Variants in FER observed in about 807,000 individuals in gnomAD.
FER encodes the protein FER tyrosine kinase.
A neutral mutation model predicts 111.0 loss-of-function variants in FER; 63 were observed. That is an observed-to-expected ratio of 0.57 (90% CI 0.46 to 0.70). The LOEUF (loss-of-function observed/expected upper bound fraction) is 0.70, where lower values mean the gene tolerates loss of function less well. Ranked by LOEUF, FER falls within the 30% of genes least tolerant of loss-of-function variation. The pLI, the probability that FER is intolerant of heterozygous loss-of-function variation, is 0.00. For synonymous variants in FER, 327 were observed against 313.9 expected, an observed-to-expected ratio of 1.04 and a Z score of -0.44; for missense variants, 914 against 954.0, an observed-to-expected ratio of 0.96 and a Z score of 0.55.
chr5:108,990,384 T>C (rs1337820112), intron 13 of FER, among the ~76,000 whole-genome samples: 1 of 151,898 alleles, frequency 6.6e-6, no homozygotes, highest in African/African-American at 2.4e-5. Context: ...ATATTACATA[T>C]TGATTTATGT....
chr5:109,018,788 GAAGGGACTT>G (rs374189787), intron 13 of FER, among the ~76,000 whole-genome samples: 1 of 151,636 alleles, frequency 6.6e-6, no homozygotes, highest in African/African-American at 2.4e-5. Context: ...TGAACCTTTA[GAAGGGACTT>G]AAGTAGTAGA....
chr5:108,940,220 A>G (rs1318785802), intron 10 of FER, among the ~76,000 whole-genome samples: 3 of 152,086 alleles, frequency 2.0e-5, no homozygotes, highest in Non-Finnish European at 4.4e-5. Context: ...TCAAAATCAA[A>G]TCTGTAGCTT....
At chr5:108,848,362 G>A (rs1220168120) in intron 5 of FER, among the ~76,000 whole-genome samples, 3 of 152,034 alleles carry the variant, frequency 2.0e-5, no homozygotes, top group African/African-American at 7.2e-5. Flanking sequence ...TCATTTTGCA[G>A]TTTATTTTCT....
At chr5:108,963,110 G>T (rs1759347316) in intron 13 of FER, among the ~76,000 whole-genome samples, 1 of 152,000 alleles carries the variant, frequency 6.6e-6, no homozygotes, top group African/African-American at 2.4e-5. Flanking sequence ...AAAATATAGG[G>T]ATTGGTCAAA....
chr5:109,077,993 AAAAAAGTTT>A (rs2150011819), intron 16 of FER, among the ~76,000 whole-genome samples: 1 of 152,292 alleles, frequency 6.6e-6, no homozygotes, highest in East Asian at 1.9e-4. Flanking sequence ...CTTGCAGATC[AAAAAAGTTT>A]TTGAAATAAA....
intron 5 of FER, among the ~76,000 whole-genome samples, chr5:108,863,020 T>G (rs1763682020): frequency 6.6e-6 from 1 of 152,202 alleles, no homozygotes. Context: ...GTCAGCTCCA[T>G]GTAGGAGCCT....
chr5:109,172,482 TGTG>T (rs1321353206), intron 17 of FER, among the ~76,000 whole-genome samples: 2 of 57,336 alleles, frequency 3.5e-5, no homozygotes, highest in Admixed American at 4.7e-4. Context: ...TGGGGACTGT[TGTG>T]GGGTGGGGGG....
At chr5:109,045,537 G>C (rs982859101) in intron 15 of FER, among the ~76,000 whole-genome samples, 7 of 152,060 alleles carry the variant, frequency 4.6e-5, no homozygotes, top group African/African-American at 1.7e-4. Flanking sequence ...TTTATTTTTA[G>C]TTCATGTTTA....
chr5:108,858,711 C>G (rs185452219), intron 5 of FER, among the ~76,000 whole-genome samples: 1 of 151,266 alleles, frequency 6.6e-6, no homozygotes, highest in Non-Finnish European at 1.5e-5. Context: ...CTTTGCTTCT[C>G]CATTGATAAT....
intron 16 of FER, among the ~76,000 whole-genome samples, chr5:109,064,306 C>G (rs1235492649): frequency 1.9e-4 from 29 of 152,064 alleles, no homozygotes; most frequent in Admixed American, 1.9e-3. Flanking sequence ...GATATACTCT[C>G]TTAGTAGGCC....
At chr5:109,002,396 G>C (rs1320961821) in intron 13 of FER, among the ~76,000 whole-genome samples, 1 of 151,586 alleles carries the variant, frequency 6.6e-6, no homozygotes, top group Non-Finnish European at 1.5e-5. Flanking sequence ...TTAATAAATG[G>C]TGCTGGGAAA....
At chr5:108,799,333 A>G (rs866076897) in intron 3 of FER, among the ~76,000 whole-genome samples, 11 of 152,234 alleles carry the variant, frequency 7.2e-5, no homozygotes, top group African/African-American at 2.4e-4. Flanking sequence ...ATCATATTTC[A>G]CTATAGAATG....
intron 5 of FER, among the ~76,000 whole-genome samples, chr5:108,853,317 T>G (rs962283646): frequency 2.6e-5 from 4 of 152,228 alleles, no homozygotes; most frequent in African/African-American, 9.6e-5. Context: ...TTTGGGATAT[T>G]GTAGATAACA....
chr5:108,892,118 A>G (rs953319645), intron 9 of FER, among the ~76,000 whole-genome samples: 4 of 152,188 alleles, frequency 2.6e-5, no homozygotes, highest in African/African-American at 7.2e-5. Context: ...TAGTGCCACA[A>G]TAAACATACG....
intron 13 of FER, among the ~76,000 whole-genome samples, chr5:108,971,834 T>G (rs149641027): frequency 3.0e-4 from 46 of 152,220 alleles, no homozygotes; most frequent in African/African-American, 1.1e-3. Flanking sequence ...GTTATACATA[T>G]GACATTTACA....
chr5:109,026,422 T>C (rs1316817059), intron 13 of FER, among the ~76,000 whole-genome samples: 2 of 150,992 alleles, frequency 1.3e-5, no homozygotes, highest in Non-Finnish European at 1.5e-5. Flanking sequence ...TGCATACTTT[T>C]CAATAAGTTT....
chr5:108,996,854 A>G (rs1406254980), intron 13 of FER, among the ~76,000 whole-genome samples: 1 of 152,158 alleles, frequency 6.6e-6, no homozygotes, highest in Non-Finnish European at 1.5e-5. Flanking sequence ...ACTTTGGGCA[A>G]TATGGCCCTT....
intron 14 of FER, among the ~76,000 whole-genome samples, chr5:109,037,760 A>G (rs959842231): frequency 6.6e-6 from 1 of 152,046 alleles, no homozygotes; most frequent in Non-Finnish European, 1.5e-5. Context: ...AGTGTGCAGT[A>G]AAGTCAAAAC....
chr5:109,001,954 T>C (rs369106372), intron 13 of FER, among the ~76,000 whole-genome samples: 2 of 152,118 alleles, frequency 1.3e-5, no homozygotes, highest in African/African-American at 4.8e-5. Flanking sequence ...TACAAACCAC[T>C]GCTCAATGAA....
Sources: gnomAD v4.1 joint callset for allele counts (sites outside exome capture counted in the v4.1 genomes callset) on GRCh38, gnomAD v4.1.1 for gene constraint, MANE v1.5 for transcripts, NCBI Gene and HGNC (gene_info 2026-07-23, HGNC 2026-07-21) for gene names.